The following COL5A2 variants were observed in gnomAD, a reference collection of about 807,000 sequenced individuals.
The protein encoded by COL5A2 is collagen type V alpha 2 chain, also known as collagen alpha-2(V) chain.
Under a neutral mutation model 208.2 loss-of-function variants are expected in COL5A2, and 23 were observed. That is an observed-to-expected ratio of 0.11 (90% CI 0.08 to 0.16). COL5A2 has a LOEUF of 0.16. Ranked by LOEUF, COL5A2 falls within the 10% of genes least tolerant of loss-of-function variation. COL5A2 has a pLI of 1.00. For synonymous variants in COL5A2, 625 were observed against 628.5 expected (o/e 0.99, Z 0.08); for missense variants, 1,590 against 1,956.4 (o/e 0.81, Z 3.53).
the COL5A2 span, among the ~76,000 whole-genome samples, chr2:189,344,525 A>G: frequency 6.6e-6 from 1 of 152,146 alleles, no homozygotes; most frequent in Non-Finnish European, 1.5e-5. Flanking sequence ...ACACATAAAC[A>G]AACAATCACC....
chr2:189,394,206 G>A, the COL5A2 span, among the ~76,000 whole-genome samples: 2 of 151,990 alleles, frequency 1.3e-5, no homozygotes, highest in African/African-American at 4.8e-5. Flanking sequence ...AGGTAATATA[G>A]TAGGAGAAAT....
At chr2:189,350,191 C>T in the COL5A2 span, among the ~76,000 whole-genome samples, 1 of 151,942 alleles carries the variant, frequency 6.6e-6, no homozygotes, top group Admixed American at 6.6e-5. Flanking sequence ...AGTAAATCAA[C>T]TGGATTATAT....
chr2:189,059,585 G>GGTTTTTTTTTTTTTTTTTTTT, intron 31 of COL5A2, among the ~76,000 whole-genome samples: 1 of 28,594 alleles, frequency 3.5e-5, no homozygotes, highest in Non-Finnish European at 7.4e-5. Flanking sequence ...TTCTTTTCTG[G>GGTTTTTTTTTTTTTTTTTTTT]TTTTTTTTTT....
At chr2:189,291,408 T>C in the COL5A2 span, among the ~76,000 whole-genome samples, 1 of 152,160 alleles carries the variant, frequency 6.6e-6, no homozygotes, top group African/African-American at 2.4e-5. Context: ...CACTAATTCC[T>C]ACAATTTCAT....
the COL5A2 span, among the ~76,000 whole-genome samples, chr2:189,330,601 T>C: frequency 3.9e-5 from 6 of 152,160 alleles, no homozygotes; most frequent in Admixed American, 1.3e-4. Flanking sequence ...TCTCTGTCCG[T>C]TGAGAAATCT....
chr2:189,039,150 G>C, intron 51 of COL5A2, 122 bp downstream of exon 51: 1 of 1,237,884 alleles, frequency 8.1e-7, no homozygotes, highest in Non-Finnish European at 1.2e-6. Context: ...TCCATGATAT[G>C]TTTACTATTT....
chr2:189,441,076 C>G, the COL5A2 span, among the ~76,000 whole-genome samples: 1 of 152,106 alleles, frequency 6.6e-6, no homozygotes, highest in African/African-American at 2.4e-5. Context: ...ACGCGAGAGG[C>G]TCGCGTCATC....
chr2:189,151,190 A>T lies in COL5A2; in HGVS notation c.97+28318T>A, dbSNP rs191354438. Among the ~76,000 whole-genome samples, 728 of 152,246 alleles carry T rather than the reference A, an allele frequency of 4.8e-3. 3 individuals carry two copies. Among genetic ancestry groups the T allele is most frequent in the Non-Finnish European group, 7.1e-3 (486 of 67,984 alleles). ...CACTAACCCCCAGCATCTTACTCTTACATTCTTTGAAATGAACTCATGCCC... is the reference window on the plus strand; with the variant it reads ...CACTAACCCCCAGCATCTTACTCTTTCATTCTTTGAAATGAACTCATGCCC... On this transcript the variant is annotated intron_variant, in intron 1 of 53. Coordinates refer to ENST00000374866, the MANE Select transcript of COL5A2 (RefSeq NM_000393.5).
chr2:189,061,091 T>C (rs570162629), intron 30 of COL5A2, among the ~76,000 whole-genome samples: 1 of 152,284 alleles, frequency 6.6e-6, no homozygotes, highest in South Asian at 2.1e-4. Context: ...AACAATATTT[T>C]AGACTGCTAG....
At chr2:189,396,687 AAAAAG>A in the COL5A2 span, among the ~76,000 whole-genome samples, 1 of 141,166 alleles carries the variant, frequency 7.1e-6, no homozygotes, top group East Asian at 2.1e-4. Flanking sequence ...AAAAAAAAAA[AAAAAG>A]AATAAATGAG....
Position 189,168,461 on chromosome 2 carries a change from C to T in COL5A2, c.97+11047G>A, listed in dbSNP as rs577850137. 1.9e-4 allele frequency among the ~76,000 whole-genome samples: 29 copies of T among 152,096 alleles called. No homozygotes were observed. In the East Asian group the frequency reaches 4.1e-3, roughly 21 times the overall value. On this transcript the variant is annotated intron_variant, in intron 1 of 53. Transcript: ENST00000374866. ...ACTTCACCAAAAATTCTGGCTGAAACTTCATCACAACATGAAAACCATAGT... is the reference window on the plus strand; with the variant it reads ...ACTTCACCAAAAATTCTGGCTGAAATTTCATCACAACATGAAAACCATAGT...
At chr2:189,147,936 A>C (rs765186570) in intron 1 of COL5A2, among the ~76,000 whole-genome samples, 2 of 152,120 alleles carry the variant, frequency 1.3e-5, no homozygotes, top group Non-Finnish European at 2.9e-5. Context: ...TTTCTTGAGG[A>C]GTCTATCACA....
intron 1 of COL5A2, among the ~76,000 whole-genome samples, chr2:189,146,101 G>A (rs1297556338): frequency 1.3e-5 from 2 of 152,100 alleles, no homozygotes; most frequent in East Asian, 3.9e-4. Flanking sequence ...GAACAATGAA[G>A]GAAATGGGAA....
chr2:189,141,232 T>G (rs995058282), intron 1 of COL5A2, among the ~76,000 whole-genome samples: 12 of 152,124 alleles, frequency 7.9e-5, no homozygotes, highest in Admixed American at 2.0e-4. Flanking sequence ...TTAAAAACAT[T>G]GGTGAATTAA....
At chr2:189,213,776 G>C (rs567052067) in intron 1 of COL5A2, among the ~76,000 whole-genome samples, 7 of 152,268 alleles carry the variant, frequency 4.6e-5, no homozygotes, top group Non-Finnish European at 7.4e-5. Context: ...GCAAGAAAGG[G>C]ATTGATACAA....
At chr2:189,070,467 G>A (rs1210931072) in intron 18 of COL5A2, among the ~76,000 whole-genome samples, 1 of 152,164 alleles carries the variant, frequency 6.6e-6, no homozygotes, top group Non-Finnish European at 1.5e-5. Flanking sequence ...GTGGAGAGAA[G>A]CAAGAAGGAA....
chr2:189,351,163 A>G, the COL5A2 span, among the ~76,000 whole-genome samples: 1 of 152,228 alleles, frequency 6.6e-6, no homozygotes, highest in Non-Finnish European at 1.5e-5. Flanking sequence ...TTCTGGAGTT[A>G]ACTACACATC....
chr2:189,052,088 A>G, intron 41 of COL5A2, 84 bp downstream of exon 41: 1 of 1,141,630 alleles, frequency 8.8e-7, no homozygotes, highest in East Asian at 2.6e-5. Flanking sequence ...AAGAAATTAA[A>G]TAAAATAATA....
chr2:189,324,345 T>G, the COL5A2 span, among the ~76,000 whole-genome samples: 1 of 152,140 alleles, frequency 6.6e-6, no homozygotes, highest in Non-Finnish European at 1.5e-5. Flanking sequence ...AGCTTCTGCA[T>G]AGCAAAAGAA....
Sources: allele counts gnomAD v4.1 joint callset (sites outside exome capture counted in the v4.1 genomes callset), GRCh38; gene constraint gnomAD v4.1.1; transcripts MANE v1.5; gene names NCBI Gene and HGNC (gene_info 2026-07-23, HGNC 2026-07-21).